The following LRP1B variants were observed in gnomAD, a reference collection of about 807,000 sequenced individuals.
The protein encoded by LRP1B is LDL receptor related protein 1B.
In LRP1B, 217 loss-of-function variants were observed where a neutral mutation model predicts 556.6. The observed-to-expected ratio is 0.39, with a 90% CI of 0.35 to 0.44. The LOEUF (loss-of-function observed/expected upper bound fraction) is 0.44, where lower values mean the gene tolerates loss of function less well. LRP1B is among the 20% of genes least tolerant of loss of function. LRP1B has a pLI of 1.00. For synonymous variants in LRP1B, 2,047 were observed against 1,865.8 expected, an observed-to-expected ratio of 1.10 and a Z score of -2.50; for missense variants, 5,053 against 5,620.8, an observed-to-expected ratio of 0.90 and a Z score of 3.23.
intron 2 of LRP1B, among the ~76,000 whole-genome samples, chr2:141,497,151 G>GCA (rs1471827629): frequency 1.3e-5 from 2 of 151,886 alleles, no homozygotes; most frequent in African/African-American, 2.4e-5. Context: ...ATATATAAAT[G>GCA]CACACACAGA....
intron 1 of LRP1B, among the ~76,000 whole-genome samples, chr2:141,969,993 C>G (rs372234031): frequency 4.6e-4 from 70 of 151,512 alleles, no homozygotes; most frequent in African/African-American, 1.5e-3. Flanking sequence ...GAGCTGATAT[C>G]TCATTGCAGT....
intron 41 of LRP1B, among the ~76,000 whole-genome samples, chr2:140,678,534 C>T (rs1446073513): frequency 6.6e-6 from 1 of 152,114 alleles, no homozygotes; most frequent in Admixed American, 6.5e-5. Flanking sequence ...TTTAAGTAAG[C>T]AAATGGATGT....
intron 80 of LRP1B, 70 bp downstream of exon 80, chr2:140,325,692 T>C (rs1162421481): frequency 5.8e-6 from 6 of 1,031,572 alleles, no homozygotes; most frequent in Non-Finnish European, 8.7e-6. Context: ...GTATCCATAC[T>C]TACATTTTTG....
chr2:140,709,465 A>AGAAGAG lies in LRP1B; in HGVS notation c.6023+6502_6023+6507dup, dbSNP rs920148706. ...AGGAGCAGGAGGAAGAAGAAGAAGA[A>AGAAGAG]GAAGAGGAAGAGGAAGAGGAGGAGG... is the stretch of plus-strand genomic sequence containing the variant. On this transcript the variant is annotated intron_variant, in intron 37 of 90. Transcript: ENST00000389484. Among the ~76,000 whole-genome samples, 18 of 151,660 alleles carry AGAAGAG rather than the reference A, an allele frequency of 1.2e-4. No individual in the cohort carries two copies. The East Asian group carries it at 2.7e-3, about 23-fold the overall frequency.
At chr2:140,708,029 T>C (rs1321914153) in intron 37 of LRP1B, among the ~76,000 whole-genome samples, 1 of 152,118 alleles carries the variant, frequency 6.6e-6, no homozygotes, top group East Asian at 1.9e-4. Flanking sequence ...GTATCTATTA[T>C]GTGCTAGGAG....
intron 55 of LRP1B, among the ~76,000 whole-genome samples, chr2:140,498,206 C>T (rs1173497493): frequency 6.6e-6 from 1 of 151,774 alleles, no homozygotes; most frequent in Non-Finnish European, 1.5e-5. Flanking sequence ...ATTTTTCTCA[C>T]CATTCCAAAT....
chr2:141,413,649 C>T (rs1690943675), intron 3 of LRP1B, among the ~76,000 whole-genome samples: 1 of 152,140 alleles, frequency 6.6e-6, no homozygotes, highest in Admixed American at 6.5e-5. Context: ...CAGTGACTCC[C>T]ACCTGTAATC....
chr2:140,767,557 G>T (rs1288874242), intron 35 of LRP1B, among the ~76,000 whole-genome samples: 1 of 151,664 alleles, frequency 6.6e-6, no homozygotes, highest in Non-Finnish European at 1.5e-5. Context: ...TCATTCAGAT[G>T]ATCTATTTAC....
chr2:141,539,721 T>C (rs536424401), intron 2 of LRP1B, among the ~76,000 whole-genome samples: 2 of 152,282 alleles, frequency 1.3e-5, no homozygotes, highest in African/African-American at 4.8e-5. Flanking sequence ...AATGCTACCA[T>C]GATAGTGTAA....
At chr2:141,072,237 G>A (rs1699666490) in intron 7 of LRP1B, among the ~76,000 whole-genome samples, 1 of 152,058 alleles carries the variant, frequency 6.6e-6, no homozygotes. Flanking sequence ...CTTTGAGAGG[G>A]TCTCACAAAC....
intron 1 of LRP1B, among the ~76,000 whole-genome samples, chr2:142,113,999 C>A (rs776001397): frequency 2.0e-5 from 3 of 152,050 alleles, no homozygotes; most frequent in Non-Finnish European, 4.4e-5. Context: ...CAGCCACCAC[C>A]AATTGGTCAT....
At chr2:141,997,415 ATGTGTGTGTG>A (rs138233497) in intron 1 of LRP1B, among the ~76,000 whole-genome samples, 18 of 138,366 alleles carry the variant, frequency 1.3e-4, no homozygotes, top group African/African-American at 2.7e-4. Context: ...AAATGTATAT[ATGTGTGTGTG>A]TGTGTGTGTG....
At chr2:141,581,972 A>G (rs1395674361) in intron 2 of LRP1B, among the ~76,000 whole-genome samples, 1 of 152,236 alleles carries the variant, frequency 6.6e-6, no homozygotes. Flanking sequence ...TATGGAAAAT[A>G]CATATAAAAT....
chr2:140,274,907 G>T (rs1492393), intron 84 of LRP1B, among the ~76,000 whole-genome samples: 2 of 151,700 alleles, frequency 1.3e-5, no homozygotes, highest in Admixed American at 1.3e-4. Context: ...AATGAACAAC[G>T]TAAGTATAGT....
At chr2:141,066,850 T>G (rs1371263966) in intron 7 of LRP1B, among the ~76,000 whole-genome samples, 1 of 151,814 alleles carries the variant, frequency 6.6e-6, no homozygotes, top group Non-Finnish European at 1.5e-5. Flanking sequence ...AGATACAAAA[T>G]GGGGACTAGC....
At chr2:140,908,192 A>T (rs1694310551) in intron 21 of LRP1B, 115 bp from the exon 22 acceptor site, 3 of 737,950 alleles carry the variant, frequency 4.1e-6, no homozygotes, top group African/African-American at 1.8e-5. Flanking sequence ...GCAAAAGAAA[A>T]CAAAATCTAT....
At chr2:140,523,250 A>G (rs1246974698) in intron 49 of LRP1B, among the ~76,000 whole-genome samples, 1 of 152,040 alleles carries the variant, frequency 6.6e-6, no homozygotes, top group Non-Finnish European at 1.5e-5. Context: ...TATGCAAATC[A>G]ATAAGTATGA....
intron 20 of LRP1B, among the ~76,000 whole-genome samples, chr2:140,928,582 C>G (rs545575083): frequency 2.0e-5 from 3 of 152,248 alleles, no homozygotes; most frequent in African/African-American, 7.2e-5. Flanking sequence ...CAAACCTCAT[C>G]ATATAGCATA....
At chr2:142,003,734 T>A (rs1339542887) in intron 1 of LRP1B, among the ~76,000 whole-genome samples, 1 of 152,178 alleles carries the variant, frequency 6.6e-6, no homozygotes, top group African/African-American at 2.4e-5. Flanking sequence ...ATGGCTACCG[T>A]GTACTCCCAC....
Sources: allele counts gnomAD v4.1 joint callset (sites outside exome capture counted in the v4.1 genomes callset), GRCh38; gene constraint gnomAD v4.1.1; transcripts MANE v1.5; gene names NCBI Gene and HGNC (gene_info 2026-07-23, HGNC 2026-07-21).